The following MACROD2 variants were observed in gnomAD, a reference collection of about 807,000 sequenced individuals.
The protein encoded by MACROD2 is mono-ADP ribosylhydrolase 2.
A neutral mutation model predicts 70.4 loss-of-function variants in MACROD2; 36 were observed. The ratio of observed to expected loss-of-function variants is 0.51; its 90% CI spans 0.39 to 0.68. The LOEUF is 0.68. Among genes scored for constraint, MACROD2 ranks in the 30% least tolerant of loss-of-function variants. The pLI, the probability that MACROD2 is intolerant of heterozygous loss-of-function variation, is 0.00. For synonymous variants in MACROD2, 172 were observed against 178.8 expected, an observed-to-expected ratio of 0.96 and a Z score of 0.30; for missense variants, 496 against 538.4, an observed-to-expected ratio of 0.92 and a Z score of 0.78.
chr20:15,667,704 C>G (rs1383113786), intron 8 of MACROD2, among the ~76,000 whole-genome samples: 1 of 152,180 alleles, frequency 6.6e-6, no homozygotes, highest in Non-Finnish European at 1.5e-5. Context: ...ATCCTCCCAC[C>G]TGTTACGGCT....
At chr20:14,114,598 A>G (rs2148687588) in intron 3 of MACROD2, among the ~76,000 whole-genome samples, 1 of 152,218 alleles carries the variant, frequency 6.6e-6, no homozygotes, top group South Asian at 2.1e-4. Context: ...ACATTTTATA[A>G]GAAGATTGAG....
chr20:14,254,031 A>G (rs1245453155), intron 3 of MACROD2, among the ~76,000 whole-genome samples: 1 of 152,122 alleles, frequency 6.6e-6, no homozygotes, highest in African/African-American at 2.4e-5. Flanking sequence ...ATTAATACAA[A>G]AATTAACAAA....
chr20:15,437,177 C>A (rs764857556), intron 7 of MACROD2, among the ~76,000 whole-genome samples: 13 of 152,080 alleles, frequency 8.5e-5, no homozygotes, highest in Non-Finnish European at 1.6e-4. Context: ...TATGGCAGTT[C>A]TTAAAGTTAT....
chr20:15,206,732 T>G (rs1282326934), intron 5 of MACROD2, among the ~76,000 whole-genome samples: 1 of 72,830 alleles, frequency 1.4e-5, no homozygotes, highest in African/African-American at 7.6e-5. Context: ...TTTTTTTTTT[T>G]TTTTTTTTTT....
chr20:15,934,388 C>T (rs2065625807), intron 11 of MACROD2, among the ~76,000 whole-genome samples: 1 of 152,200 alleles, frequency 6.6e-6, no homozygotes, highest in South Asian at 2.1e-4. Context: ...AGCAAGGCAG[C>T]AAGGACTTTG....
intron 4 of MACROD2, among the ~76,000 whole-genome samples, chr20:14,611,759 C>T (rs1405732960): frequency 6.6e-6 from 1 of 152,024 alleles, no homozygotes; most frequent in Non-Finnish European, 1.5e-5. Flanking sequence ...TAGTCTTTAA[C>T]CTTAGGAGAC....
intron 10 of MACROD2, chr20:15,893,576 C>G (rs1261439648): frequency 5.0e-6 from 2 of 399,136 alleles, no homozygotes; most frequent in Non-Finnish European, 9.9e-6. Context: ...GTACAACATA[C>G]AATTCATTCA....
intron 5 of MACROD2, among the ~76,000 whole-genome samples, chr20:14,820,711 A>G (rs2072834125): frequency 6.6e-6 from 1 of 151,980 alleles, no homozygotes; most frequent in South Asian, 2.1e-4. Context: ...GATTTCCGTT[A>G]CATTCTTTTT....
intron 5 of MACROD2, among the ~76,000 whole-genome samples, chr20:15,002,355 C>G (rs1291358100): frequency 6.6e-6 from 1 of 152,024 alleles, no homozygotes; most frequent in Admixed American, 6.5e-5. Flanking sequence ...ATTTGCATTT[C>G]CCTGATCATT....
chr20:15,595,364 A>C (rs2048732851), intron 8 of MACROD2, among the ~76,000 whole-genome samples: 3 of 152,238 alleles, frequency 2.0e-5, no homozygotes, highest in Non-Finnish European at 4.4e-5. Flanking sequence ...CACAGGAATA[A>C]ACTTTATGGA....
At chr20:14,048,187 T>C (rs1047798921) in intron 2 of MACROD2, among the ~76,000 whole-genome samples, 7 of 152,270 alleles carry the variant, frequency 4.6e-5, no homozygotes, top group Non-Finnish European at 8.8e-5. Flanking sequence ...AATCTCATGC[T>C]GCAGCTGAGG....
chr20:14,259,340 C>G (rs563365321), intron 3 of MACROD2, among the ~76,000 whole-genome samples: 10 of 152,176 alleles, frequency 6.6e-5, no homozygotes, highest in Non-Finnish European at 1.5e-4. Flanking sequence ...GGTGCTAAAA[C>G]AAATAGTTCT....
intron 13 of MACROD2, among the ~76,000 whole-genome samples, chr20:15,968,796 CGTATATATATATATATATAT>C (rs2066182286): frequency 2.0e-5 from 1 of 50,214 alleles, no homozygotes; most frequent in African/African-American, 5.8e-5. Context: ...ATATATTATG[CGTATATATATATATATATAT>C]ATATATATAT....
At chr20:14,619,624 G>A (rs1208623862) in intron 4 of MACROD2, among the ~76,000 whole-genome samples, 5 of 151,952 alleles carry the variant, frequency 3.3e-5, no homozygotes, top group Non-Finnish European at 7.4e-5. Flanking sequence ...GGACATCAAG[G>A]CCAATTTTGT....
chr20:14,505,411 A>C (rs1296221022), intron 4 of MACROD2, among the ~76,000 whole-genome samples: 13 of 152,170 alleles, frequency 8.5e-5, no homozygotes, highest in Non-Finnish European at 2.9e-5. Flanking sequence ...TTGGCCTAAA[A>C]ATTTTATGCC....
At chr20:15,822,966 C>T (rs887986963) in intron 8 of MACROD2, among the ~76,000 whole-genome samples, 3 of 152,060 alleles carry the variant, frequency 2.0e-5, no homozygotes, top group Non-Finnish European at 2.9e-5. Flanking sequence ...ATGAACCAGC[C>T]GGCACGTTGG....
At chr20:14,338,708 T>A (rs149298791) in intron 3 of MACROD2, among the ~76,000 whole-genome samples, 2 of 152,324 alleles carry the variant, frequency 1.3e-5, no homozygotes, top group East Asian at 3.9e-4. Flanking sequence ...TTTGCCTGGA[T>A]TGAAATTATT....
At chr20:15,552,414 A>G (rs1568886942) in intron 8 of MACROD2, 1 of 152,258 alleles carries the variant, frequency 6.6e-6, no homozygotes, top group African/African-American at 2.4e-5. Flanking sequence ...CCAATCTGCT[A>G]TTAAGTGAAT....
Position 15,827,861 on chromosome 20 carries a change from C to T in MACROD2, c.646-34884C>T, listed in dbSNP as rs6135563. ...CACAGCAATGGAGCAAGTTCACCTG[C>T]CTGAAGAATTGACAGAGTTGCTAGC... On this transcript the variant is annotated intron_variant, in intron 8 of 17. Transcript: ENST00000684519. 2.0e-5 allele frequency among the ~76,000 whole-genome samples: 3 copies of T among 152,296 alleles called. No homozygotes were observed. The East Asian group carries it at 5.8e-4, about 29-fold the overall frequency.
Sources: gnomAD v4.1 joint callset for allele counts (sites outside exome capture counted in the v4.1 genomes callset) on GRCh38, gnomAD v4.1.1 for gene constraint, MANE v1.5 for transcripts, NCBI Gene and HGNC (gene_info 2026-07-23, HGNC 2026-07-21) for gene names.